The following SMCR8 variants were observed in gnomAD, a reference collection of about 807,000 sequenced individuals.
The protein encoded by SMCR8 is SMCR8-C9orf72 complex subunit, also known as guanine nucleotide exchange protein SMCR8.
A neutral mutation model predicts 56.6 loss-of-function variants in SMCR8; 30 were observed. The observed-to-expected ratio is 0.53, with a 90% CI of 0.40 to 0.72. SMCR8 has a LOEUF of 0.72. Ranked by LOEUF, SMCR8 falls within the 30% of genes least tolerant of loss-of-function variation. SMCR8 has a pLI of 0.00. For missense variants in SMCR8, 1,198 were observed against 1,157.0 expected, an observed-to-expected ratio of 1.04 and a Z score of -0.51; for synonymous variants, 538 against 456.0, an observed-to-expected ratio of 1.18 and a Z score of -2.29.
chr17:18,324,179 C>A lies in SMCR8; in HGVS notation c.*1109C>A, dbSNP rs922788470. On this transcript the variant is annotated 3_prime_UTR_variant, in exon 2 of 2. Transcript: ENST00000406438. ...CCAGCCGATGAGAACTCAAATAGCA[C>A]GGATTTCCTGGATGAGCTACCACGT... The A allele has an allele frequency of 6.6e-6, 1 of 152,272 alleles. No homozygotes were observed. Among genetic ancestry groups the A allele is most frequent in the African/African-American group, 2.4e-5 (1 of 41,458 alleles). The allele number at this position is 152,272 out of a possible 1,614,324, so 9.4% of individuals were successfully genotyped here.
chr17:18,317,075 T>C lies in SMCR8; in HGVS notation c.1286T>C (p.Met429Thr). 6.2e-7 allele frequency: 1 copy of C among 1,614,130 alleles called. No individual in the cohort carries two copies. The highest frequency in any genetic ancestry group is 8.5e-7 in the Non-Finnish European group (1 of 1,180,032). ...KSSVESVLIK[M>T]EQELGDEEYK... Reference sequence around the variant, plus strand: ...AGTGTGGAGTCTGTGTTGATCAAGATGGAGCAGGAACTGGGAGATGAGGAG... The same window carrying C: ...AGTGTGGAGTCTGTGTTGATCAAGACGGAGCAGGAACTGGGAGATGAGGAG... The change falls in exon 1 of 2, where the codon ATG becomes ACG. Residue 429 changes from methionine (M) to threonine (T), a missense_variant. Physicochemically the swap from Met to Thr is moderately conservative, Grantham distance 81. Coordinates refer to ENST00000406438, the MANE Select transcript of SMCR8 (RefSeq NM_144775.3).
rs1336063159 is a variant in SMCR8 at position 18,317,877 on chromosome 17, C to A, written c.2088C>A (p.Gly696=). 3 of 1,614,064 alleles carry A rather than the reference C, an allele frequency of 1.9e-6. No homozygotes were observed. Among genetic ancestry groups the A allele is most frequent in the African/African-American group, 1.3e-5 (1 of 74,922 alleles). ...SDRIPSAYPA[G]LSSDRHKKRA... ...GGATCCCCTCTGCTTATCCTGCTGGCCTGTCTTCCGATAGGCATAAAAAGA... is the reference window on the plus strand; with the variant it reads ...GGATCCCCTCTGCTTATCCTGCTGGACTGTCTTCCGATAGGCATAAAAAGA... Residue 696 remains glycine (G), a synonymous_variant, in exon 1 of 2, where the codon GGC becomes GGA. Coordinates refer to ENST00000406438, the MANE Select transcript of SMCR8 (RefSeq NM_144775.3).
rs748600621 is a variant in SMCR8, at chr17:18,317,371, C to G, written c.1582C>G (p.Leu528Val). 1.2e-6 allele frequency: 2 copies of G among 1,614,118 alleles called. No homozygotes were observed. Among genetic ancestry groups the G allele is most frequent in the East Asian group, 4.5e-5 (2 of 44,890 alleles). ...EVLSTCPSEA[L>V]IPDDFKASYP... ...CCTCAGTACCTGCCCCTCTGAGGCCCTCATCCCTGATGACTTTAAGGCCAG... is the reference window on the plus strand; with the variant it reads ...CCTCAGTACCTGCCCCTCTGAGGCCGTCATCCCTGATGACTTTAAGGCCAG... Residue 528 changes from leucine to valine, a missense_variant, in exon 1 of 2, where the codon CTC becomes GTC. Transcript: ENST00000406438.
At position 18,317,503 on chromosome 17, in the gene SMCR8, G is replaced by A. The variant is rs148763931; in HGVS notation, c.1714G>A (p.Gly572Ser). Residue 572 changes from glycine to serine, a missense_variant, in exon 1 of 2, where the codon GGC (glycine) becomes AGC (serine). By Grantham distance (56) the Gly-to-Ser change is moderately conservative. Coordinates refer to ENST00000406438, the MANE Select transcript of SMCR8 (RefSeq NM_144775.3). The part of the protein sequence containing the change: ...SPPELGETEE[G>S]SIENTPSQID... The stretch of plus-strand genomic sequence containing the variant: ...TCCAGAACTGGGTGAGACAGAGGAA[G>A]GCAGCATAGAAAACACCCCATCACA... The A allele has an allele frequency of 1.3e-5, 21 of 1,614,088 alleles. No homozygotes were observed. The highest frequency in any genetic ancestry group is 1.2e-4 in the Admixed American group (7 of 60,030).
chr17:18,318,220 A>G, intron 1 of SMCR8, 71 bp downstream of exon 1: 1 of 1,439,938 alleles, frequency 6.9e-7, no homozygotes. Flanking sequence ...TGGTGGAGCC[A>G]GAATCAGGAA....
Position 18,317,588 on chromosome 17 carries a change from C to T in SMCR8, c.1799C>T (p.Thr600Ile). 6.2e-7 allele frequency: 1 copy of T among 1,614,170 alleles called. No homozygotes were observed. Among genetic ancestry groups the T allele is most frequent in the African/African-American group, 1.3e-5 (1 of 75,044 alleles). ...ESDGQLVLPS[T>I]PAHTHSDEDG... is the part of the protein sequence containing the mutation. ...GATGGTCAGTTGGTGCTGCCCTCCACTCCAGCCCACACACACTCTGACGAG... is the reference window on the plus strand; with the variant it reads ...GATGGTCAGTTGGTGCTGCCCTCCATTCCAGCCCACACACACTCTGACGAG... Residue 600 changes from threonine (T) to isoleucine (I), a missense_variant, in exon 1 of 2, where the codon ACT (threonine) becomes ATT (isoleucine). Physicochemically the swap from Thr to Ile is moderately conservative, Grantham distance 89. Coordinates refer to ENST00000406438, the MANE Select transcript of SMCR8 (RefSeq NM_144775.3).
rs769817936 is a variant in SMCR8, at chr17:18,316,083, T to C, written c.294T>C (p.Asp98=). ...NYFSLRIMSV[D]YQASFVGHPP... is the part of the protein sequence containing the mutation. ...TCTCCCTGCGTATCATGTCTGTGGA[T>C]TACCAGGCTTCCTTCGTGGGCCATC... The change falls in exon 1 of 2, where the codon GAT becomes GAC. Residue 98 remains aspartate (D), a synonymous_variant. Coordinates refer to ENST00000406438, the MANE Select transcript of SMCR8 (RefSeq NM_144775.3). 52 of 1,614,054 alleles carry C rather than the reference T, an allele frequency of 3.2e-5. No homozygotes were observed. Among genetic ancestry groups the C allele is most frequent in the East Asian group, 2.2e-4 (10 of 44,892 alleles).
chr17:18,322,250 A>T (rs1962949), intron 1 of SMCR8, among the ~76,000 whole-genome samples: 33,664 of 152,088 alleles, frequency 0.22, 3,931 homozygotes, highest in East Asian at 0.3. Context: ...TGACCTCACG[A>T]TGCGCCTGCC....
rs528644745 is a variant in SMCR8 at position 18,315,558 on chromosome 17, C to T, written c.-232C>T. ...AAGAGAAGGGCAGTTGGGCCTGCGG[C>T]CTTGGCGTTCATGAGGCCTCAGAGA... is the stretch of plus-strand genomic sequence containing the variant. On this transcript the variant is annotated 5_prime_UTR_variant, in exon 1 of 2. Coordinates refer to ENST00000406438, the MANE Select transcript of SMCR8 (RefSeq NM_144775.3). The T allele has an allele frequency of 1.4e-4, 67 of 491,678 alleles. No individual in the cohort carries two copies. The South Asian group carries it at 2.1e-3, about 16-fold the overall frequency. The allele number at this position is 491,678 out of a possible 1,614,324, so 30.5% of individuals were successfully genotyped here.
Position 18,317,545 on chromosome 17 carries a change from T to C in SMCR8, c.1756T>C (p.Cys586Arg), listed in dbSNP as rs142387280. 2.8e-5 allele frequency: 46 copies of C among 1,614,102 alleles called. No individual in the cohort carries two copies. The African/African-American group carries it at 5.1e-4, about 18-fold the overall frequency. ...NTPSQIDSSC[C>R]IGKESDGQLV... ...CCCATCACAAATAGACTCCTCCTGC[T>C]GTATTGGGAAGGAGAGCGATGGTCA... The change falls in exon 1 of 2, where the codon TGT becomes CGT. Residue 586 changes from cysteine to arginine, a missense_variant. By Grantham distance (180) the Cys-to-Arg change is radical. Coordinates refer to ENST00000406438, the MANE Select transcript of SMCR8 (RefSeq NM_144775.3).
At position 18,317,187 on chromosome 17, in the gene SMCR8, C is replaced by A; in HGVS notation, c.1398C>A (p.Ile466=). ...DYLDMDMKGS[I]SSGESIEVLG... ...TGGATATGGATATGAAAGGGAGTAT[C>A]AGCAGTGGTGAAAGTATTGAAGTTT... The change falls in exon 1 of 2, where the codon ATC becomes ATA. Residue 466 remains isoleucine, a synonymous_variant. Coordinates refer to ENST00000406438, the MANE Select transcript of SMCR8 (RefSeq NM_144775.3). The A allele has an allele frequency of 6.2e-7, 1 of 1,614,132 alleles. No individual in the cohort carries two copies.
rs1982649475 is a variant in SMCR8 at position 18,326,246 on chromosome 17, A to G, written c.*3176A>G. The G allele has an allele frequency of 6.6e-6, 1 of 152,172 alleles. No homozygotes were observed. Among genetic ancestry groups the G allele is most frequent in the Non-Finnish European group, 1.5e-5 (1 of 68,048 alleles). The allele number at this position is 152,172 out of a possible 1,614,324, so 9.4% of individuals were successfully genotyped here. ...AACTGGTTGTCTTGAGTTTTGTGTC[A>G]GCTTTTTCTCCAGTCCATTATCCCC... On this transcript the variant is annotated 3_prime_UTR_variant, in exon 2 of 2. Coordinates refer to ENST00000406438, the MANE Select transcript of SMCR8 (RefSeq NM_144775.3).
At position 18,326,349 on chromosome 17, in the gene SMCR8, T is replaced by C. The variant is rs1397870808; in HGVS notation, c.*3279T>C. The stretch of plus-strand genomic sequence containing the variant: ...GACTGGTGATTTTCAAAAGCCCCAC[T>C]TTAGAGATCAGGCCACAGCTTTTTA... On this transcript the variant is annotated 3_prime_UTR_variant, in exon 2 of 2. Coordinates refer to ENST00000406438, the MANE Select transcript of SMCR8 (RefSeq NM_144775.3). 6.6e-6 allele frequency: 1 copy of C among 152,246 alleles called. No individual in the cohort carries two copies. Among genetic ancestry groups the C allele is most frequent in the African/African-American group, 2.4e-5 (1 of 41,458 alleles). The allele number at this position is 152,246 out of a possible 1,614,324, so 9.4% of individuals were successfully genotyped here.
At chr17:18,318,470 C>A (rs949244979) in intron 1 of SMCR8, among the ~76,000 whole-genome samples, 4 of 152,216 alleles carry the variant, frequency 2.6e-5, no homozygotes, top group African/African-American at 7.2e-5. Context: ...ATGGCGCGAT[C>A]TTGGCTCACT....
chr17:18,316,100 T>A lies in SMCR8; in HGVS notation c.311T>A (p.Val104Glu). 6.2e-7 allele frequency: 1 copy of A among 1,614,204 alleles called. No individual in the cohort carries two copies. Among genetic ancestry groups the A allele is most frequent in the Non-Finnish European group, 8.5e-7 (1 of 1,180,028 alleles). Residue 104 changes from valine (V) to glutamate (E), a missense_variant, in exon 1 of 2, where the codon GTG becomes GAG. Transcript: ENST00000406438. ...IMSVDYQASF[V>E]GHPPGSAYPK... is the part of the protein sequence containing the mutation. The stretch of plus-strand genomic sequence containing the variant: ...TCTGTGGATTACCAGGCTTCCTTCG[T>A]GGGCCATCCTCCTGGATCTGCCTAC...
In SMCR8 at chr17:18,315,895, C is replaced by T. The variant is rs1982249581; in HGVS notation, c.106C>T (p.Pro36Ser). The T allele has an allele frequency of 6.2e-7, 1 of 1,614,032 alleles. No individual in the cohort carries two copies. The change falls in exon 1 of 2, where the codon CCC becomes TCC. Residue 36 changes from proline to serine, a missense_variant. Physicochemically the swap from Pro to Ser is moderately conservative, Grantham distance 74. Transcript: ENST00000406438. ...LPEEYSVPLF[P>S]FASQGANPWS... ...TGAGGAGTACTCGGTGCCGCTCTTC[C>T]CCTTCGCCAGTCAGGGTGCTAACCC...
intron 1 of SMCR8, among the ~76,000 whole-genome samples, chr17:18,320,864 G>A (rs962007265): frequency 7.2e-5 from 11 of 152,164 alleles, no homozygotes; most frequent in African/African-American, 1.2e-4. Flanking sequence ...TAGAGCCCAC[G>A]CTGCTTCTGA....
Position 18,317,988 on chromosome 17 carries a change from TGTG to T in SMCR8, c.2202_2204del (p.Val735del), listed in dbSNP as rs1982382619. Reference sequence around the variant, plus strand: ...ACTCCCTGCTCAGTGGGAGGACACTTGTGGTCCTGGGGGAAGATGAGGCCATAG... The same window carrying T: ...ACTCCCTGCTCAGTGGGAGGACACTTGTCCTGGGGGAAGATGAGGCCATAG... On this transcript the variant is annotated inframe_deletion, in exon 1 of 2. Coordinates refer to ENST00000406438, the MANE Select transcript of SMCR8 (RefSeq NM_144775.3). 3 of 1,614,108 alleles carry T rather than the reference TGTG, an allele frequency of 1.9e-6. No individual in the cohort carries two copies. Among genetic ancestry groups the T allele is most frequent in the African/African-American group, 1.3e-5 (1 of 74,924 alleles).
chr17:18,318,373 T>A (rs755041501), intron 1 of SMCR8, among the ~76,000 whole-genome samples: 1 of 152,214 alleles, frequency 6.6e-6, no homozygotes, highest in Non-Finnish European at 1.5e-5. Flanking sequence ...GTCCCCGAGC[T>A]GTGTCAGCAT....
Sources: allele counts gnomAD v4.1 joint callset (sites outside exome capture counted in the v4.1 genomes callset), GRCh38; gene constraint gnomAD v4.1.1; transcripts MANE v1.5; gene names NCBI Gene and HGNC (gene_info 2026-07-23, HGNC 2026-07-21).